The following ZEB1 variants were observed in gnomAD, a reference collection of about 807,000 sequenced individuals.
The protein encoded by ZEB1 is zinc finger E-box-binding homeobox 1.
In ZEB1, 21 loss-of-function variants were observed where a neutral mutation model predicts 84.9. The observed-to-expected ratio is 0.25, with a 90% CI of 0.18 to 0.36. ZEB1 has a LOEUF of 0.36. Among genes scored for constraint, ZEB1 ranks in the 10% least tolerant of loss-of-function variants. ZEB1 has a pLI of 1.00. For missense variants in ZEB1, 1,104 were observed against 1,330.2 expected, an observed-to-expected ratio of 0.83 and a Z score of 2.65; for synonymous variants, 420 against 471.1, an observed-to-expected ratio of 0.89 and a Z score of 1.41.
chr10:31,520,290 T>C lies in ZEB1; in HGVS notation c.958T>C (p.Ser320Pro). ...GTGTTCTTCACCGTCTCTTTCAGCA[T>C]CACCAGGCAGTCCCACACGACCACA... ...SQCSSPSLSA[S>P]PGSPTRPQIR... Residue 320 changes from serine (S) to proline (P), a missense_variant, in exon 7 of 9, where the codon TCA becomes CCA. Ser to Pro is a moderately conservative substitution (Grantham distance 74, BLOSUM62 -1). Around this residue, in one of 7 missense-constraint regions of ZEB1, gnomAD observed 111 missense variants for 161.8 expected, o/e 0.69. Coordinates refer to ENST00000424869, the MANE Select transcript of ZEB1 (RefSeq NM_001174096.2). The surrounding 1 kb of genome is among the most constrained non-coding windows in gnomAD (Gnocchi z 5.1). The C allele has an allele frequency of 6.2e-7, 1 of 1,613,914 alleles. No individual in the cohort carries two copies. Among genetic ancestry groups the C allele is most frequent in the South Asian group, 1.1e-5 (1 of 91,074 alleles).
chr10:31,435,170 C>T (rs1249152361), intron 1 of ZEB1, among the ~76,000 whole-genome samples: 1 of 152,154 alleles, frequency 6.6e-6, no homozygotes, highest in Non-Finnish European at 1.5e-5. Flanking sequence ...GAGAAAGTTT[C>T]AACTGGCCAT....
At position 31,495,101 on chromosome 10, in the gene ZEB1, C is replaced by T. The variant is rs113896476; in HGVS notation, c.260-675C>T. Among the ~76,000 whole-genome samples the T allele has an allele frequency of 2.2e-4, 33 of 152,062 alleles. 2 individuals are homozygous for T. The highest frequency in any genetic ancestry group is 7.9e-4 in the African/African-American group (33 of 41,526). ...TGTGATGGAAAGTGGGCTTTGGAGC[C>T]AATCAGACCTGCATTTATATTTCAT... On this transcript the variant is annotated intron_variant, in intron 2 of 8. Coordinates refer to ENST00000424869, the MANE Select transcript of ZEB1 (RefSeq NM_001174096.2).
At position 31,520,328 on chromosome 10, in the gene ZEB1, G is replaced by T; in HGVS notation, c.996G>T (p.Lys332Asn). Residue 332 changes from lysine to asparagine, a missense_variant, in exon 7 of 9, where the codon AAG (lysine) becomes AAT (asparagine). Lys to Asn is a moderately conservative substitution (Grantham distance 94, BLOSUM62 0). This residue lies in a region of ZEB1 where 111 missense variants were observed against 161.8 expected (regional missense o/e 0.69). Coordinates refer to ENST00000424869, the MANE Select transcript of ZEB1 (RefSeq NM_001174096.2). The surrounding 1 kb of genome is among the most constrained non-coding windows in gnomAD (Gnocchi z 5.1). ...CCACACGACCACAGATACGGCAAAA[G>T]ATAGAGAATAAACCCCTTCAAGAAC... is the stretch of plus-strand genomic sequence containing the variant. ...GSPTRPQIRQKIENKPLQEQL... is the reference protein window; with the variant it reads ...GSPTRPQIRQNIENKPLQEQL... 1 of 1,613,900 alleles carries T rather than the reference G, an allele frequency of 6.2e-7. No homozygotes were observed.
intron 3 of ZEB1, among the ~76,000 whole-genome samples, chr10:31,501,647 A>G (rs2068147413): frequency 6.6e-6 from 1 of 152,114 alleles, no homozygotes; most frequent in African/African-American, 2.4e-5. Flanking sequence ...TGTGGGAGAT[A>G]AATTCCAAGA....
At chr10:31,488,024 T>C (rs1466600886) in intron 2 of ZEB1, among the ~76,000 whole-genome samples, 1 of 151,318 alleles carries the variant, frequency 6.6e-6, no homozygotes, top group African/African-American at 2.4e-5. Flanking sequence ...TTTGTGTCGA[T>C]GTTCATAAGG....
chr10:31,327,861 T>C (rs2035925826), intron 1 of ZEB1, among the ~76,000 whole-genome samples: 1 of 152,248 alleles, frequency 6.6e-6, no homozygotes, highest in South Asian at 2.1e-4. Flanking sequence ...TTGCTAAATA[T>C]AATCTGATAG....
intron 1 of ZEB1, among the ~76,000 whole-genome samples, chr10:31,365,004 A>G (rs1219284741): frequency 6.6e-6 from 1 of 152,130 alleles, no homozygotes; most frequent in Admixed American, 6.5e-5. Flanking sequence ...ACCATCCCAC[A>G]TTGCTCTTCT....
At chr10:31,516,758 T>C (rs1421372536) in intron 6 of ZEB1, among the ~76,000 whole-genome samples, 1 of 151,952 alleles carries the variant, frequency 6.6e-6, no homozygotes, top group East Asian at 1.9e-4. Flanking sequence ...GATTATTCAA[T>C]AGAAGCCAGT....
chr10:31,318,959 T>G, upstream of ZEB1: 1 of 514,796 alleles, frequency 1.9e-6, no homozygotes, highest in South Asian at 2.1e-5. Context: ...GGCATCCGCC[T>G]CCCTCTCCCC....
chr10:31,456,947 T>C (rs1490559497), intron 1 of ZEB1, among the ~76,000 whole-genome samples: 1 of 152,164 alleles, frequency 6.6e-6, no homozygotes, highest in East Asian at 1.9e-4. Flanking sequence ...ACTACCACCA[T>C]CAAGAAGTCA....
chr10:31,387,409 C>A (rs945852841), intron 1 of ZEB1: 3 of 586,020 alleles, frequency 5.1e-6, no homozygotes, highest in African/African-American at 4.0e-5. Flanking sequence ...ATCACACATT[C>A]ATCAAGAGGT....
chr10:31,434,445 G>C (rs7922958), intron 1 of ZEB1, among the ~76,000 whole-genome samples: 1 of 152,164 alleles, frequency 6.6e-6, no homozygotes, highest in Admixed American at 6.5e-5. Flanking sequence ...CATATCTTCA[G>C]ATGCTTAACC....
chr10:31,406,234 G>A (rs559594156), intron 1 of ZEB1, among the ~76,000 whole-genome samples: 43 of 151,990 alleles, frequency 2.8e-4, no homozygotes, highest in African/African-American at 1.0e-3. Context: ...GGGTCAAATG[G>A]TATTTCTAGT....
At chr10:31,442,339 TTAGG>T (rs2136589628) in intron 1 of ZEB1, among the ~76,000 whole-genome samples, 1 of 152,092 alleles carries the variant, frequency 6.6e-6, no homozygotes, top group East Asian at 1.9e-4. Context: ...GTTCTCACTC[TTAGG>T]TGGGAATTGA....
intron 3 of ZEB1, 28 bp downstream of exon 3, chr10:31,495,866 C>T (rs746801723): frequency 6.2e-7 from 1 of 1,611,490 alleles, no homozygotes. Flanking sequence ...TCTTTCATAC[C>T]ATAGCCTTTA....
intron 1 of ZEB1, among the ~76,000 whole-genome samples, chr10:31,397,372 C>G (rs949070096): frequency 2.6e-5 from 4 of 151,558 alleles, no homozygotes; most frequent in Admixed American, 6.6e-5. Flanking sequence ...GATTATATAA[C>G]CAGAGATAGT....
chr10:31,392,125 C>T (rs994794988), intron 1 of ZEB1, among the ~76,000 whole-genome samples: 3 of 152,090 alleles, frequency 2.0e-5, no homozygotes, highest in African/African-American at 7.2e-5. Flanking sequence ...AGTTAGTTTG[C>T]TAATGCTTTC....
At chr10:31,382,006 C>CAAAAAAAAAAAAAAAAAAAAAAAAAA (rs535534850) in intron 1 of ZEB1, among the ~76,000 whole-genome samples, 2 of 40,788 alleles carry the variant, frequency 4.9e-5, no homozygotes, top group African/African-American at 9.0e-5. Context: ...GAGACTGTCT[C>CAAAAAAAAAAAAAAAAAAAAAAAAAA]AAAAAAAAAA....
At chr10:31,470,585 G>A (rs2063092696) in intron 2 of ZEB1, among the ~76,000 whole-genome samples, 1 of 140,028 alleles carries the variant, frequency 7.1e-6, no homozygotes, top group Non-Finnish European at 1.5e-5. Flanking sequence ...ATCTACATCT[G>A]ATTGGTGTAC....
Sources: gnomAD v4.1 joint callset for allele counts (sites outside exome capture counted in the v4.1 genomes callset) on GRCh38, gnomAD v4.1.1 for gene constraint, gnomAD v4.1.1 regional missense constraint, Gnocchi (gnomAD v3.1) non-coding constraint, MANE v1.5 for transcripts, NCBI Gene and HGNC (gene_info 2026-07-23, HGNC 2026-07-21) for gene names.